The following ABCA13 variants were observed in gnomAD, a reference collection of about 807,000 sequenced individuals.
ABCA13 encodes the protein ATP-binding cassette sub-family A member 13.
A neutral mutation model predicts 478.7 loss-of-function variants in ABCA13; 476 were observed. The observed-to-expected ratio is 0.99, with a 90% CI of 0.92 to 1.07. The LOEUF is 1.07. Among genes scored for constraint, ABCA13 ranks in the 50% least tolerant of loss-of-function variants. The pLI, the probability that ABCA13 is intolerant of heterozygous loss-of-function variation, is 0.00. For missense variants in ABCA13, 6,060 were observed against 5,910.6 expected (o/e 1.03, Z -0.83); for synonymous variants, 2,252 against 2,158.9 (o/e 1.04, Z -1.20).
At chr7:48,501,218 A>G (rs1477455793) in intron 48 of ABCA13, among the ~76,000 whole-genome samples, 1 of 152,124 alleles carries the variant, frequency 6.6e-6, no homozygotes, top group Non-Finnish European at 1.5e-5. Flanking sequence ...GGTTTTCTCT[A>G]CTTACTTGAT....
chr7:48,468,353 T>C (rs1379311570), intron 44 of ABCA13, among the ~76,000 whole-genome samples: 1 of 152,214 alleles, frequency 6.6e-6, no homozygotes, highest in Non-Finnish European at 1.5e-5. Flanking sequence ...ATAGCTTTTC[T>C]CCTCTGTCCG....
At position 48,358,553 on chromosome 7, in the gene ABCA13, T is replaced by C. The variant is rs1003502488; in HGVS notation, c.10688+6066T>C. ...AAATTATTTCAAGGGCCTTCATCAT[T>C]CACTCATATAGTTATTCCTCTATTC... On this transcript the variant is annotated intron_variant, in intron 31 of 61. Coordinates refer to ENST00000435803, the MANE Select transcript of ABCA13 (RefSeq NM_152701.5). Among the ~76,000 whole-genome samples, 4 of 152,020 alleles carry C rather than the reference T, an allele frequency of 2.6e-5. 1 individual carries two copies. Among genetic ancestry groups the C allele is most frequent in the African/African-American group, 9.7e-5 (4 of 41,264 alleles).
chr7:48,270,475 T>C (rs990266174), intron 16 of ABCA13, among the ~76,000 whole-genome samples: 1 of 152,170 alleles, frequency 6.6e-6, no homozygotes, highest in African/African-American at 2.4e-5. Flanking sequence ...AAATAAGTTT[T>C]ATATTCTCCT....
chr7:48,520,192 A>G lies in ABCA13; in HGVS notation c.13949A>G (p.Glu4650Gly), dbSNP rs557105317. The G allele has an allele frequency of 1.6e-5, 26 of 1,613,662 alleles. No homozygotes were observed. In the East Asian group the frequency reaches 5.1e-4, roughly 32 times the overall value. The stretch of plus-strand genomic sequence containing the variant: ...ATTGATTCCTATGTGAGTCCCTTTG[A>G]GATGAACTTTCTGGGCTGGATCTTC... ...FGIDSYVSPF[E>G]MNFLGWIFVQ... The change falls in exon 53 of 62, where the codon GAG becomes GGG. Residue 4650 changes from glutamate (E) to glycine (G), a missense_variant. Glu to Gly is a moderately conservative substitution (Grantham distance 98, BLOSUM62 -2). Around this residue, in one of 3 missense-constraint regions of ABCA13, gnomAD observed 1,627 missense variants for 1,571.0 expected, o/e 1.04. Coordinates refer to ENST00000435803, the MANE Select transcript of ABCA13 (RefSeq NM_152701.5).
chr7:48,420,731 CTTTTTT>C (rs35346221), intron 41 of ABCA13, among the ~76,000 whole-genome samples: 41 of 137,588 alleles, frequency 3.0e-4, no homozygotes, highest in African/African-American at 1.1e-3. Flanking sequence ...AGGGCTTGAT[CTTTTTT>C]TTTTTTTTTG....
intron 48 of ABCA13, among the ~76,000 whole-genome samples, chr7:48,501,252 G>C (rs919646416): frequency 2.6e-5 from 4 of 152,038 alleles, no homozygotes; most frequent in African/African-American, 9.7e-5. Flanking sequence ...TAAACACTGT[G>C]GTCTAAGCCC....
At chr7:48,415,689 A>G (rs896780053) in intron 41 of ABCA13, among the ~76,000 whole-genome samples, 2 of 152,178 alleles carry the variant, frequency 1.3e-5, no homozygotes, top group Non-Finnish European at 2.9e-5. Flanking sequence ...GAAGAGTGAA[A>G]TTTTGTGGAA....
chr7:48,438,787 C>CT (rs1823188771), intron 42 of ABCA13, among the ~76,000 whole-genome samples: 1 of 151,560 alleles, frequency 6.6e-6, no homozygotes, highest in South Asian at 2.1e-4. Context: ...ACCTTCAATT[C>CT]TTTTTTGGAA....
chr7:48,388,065 C>A, intron 36 of ABCA13, 106 bp downstream of exon 36: 1 of 1,198,646 alleles, frequency 8.3e-7, no homozygotes, highest in Non-Finnish European at 1.1e-6. Context: ...TGTGCTGATT[C>A]CTAGAGAGAC....
At chr7:48,254,275 CT>C (rs1016785370) in intron 15 of ABCA13, among the ~76,000 whole-genome samples, 3 of 150,948 alleles carry the variant, frequency 2.0e-5, no homozygotes, top group African/African-American at 7.3e-5. Flanking sequence ...AACTTTTTTT[CT>C]TTTAAGAGGT....
intron 3 of ABCA13, among the ~76,000 whole-genome samples, chr7:48,208,534 GT>G (rs1785218270): frequency 6.6e-6 from 1 of 151,764 alleles, no homozygotes; most frequent in Admixed American, 6.6e-5. Context: ...TTTTGGTTAG[GT>G]TTATTCCTAG....
chr7:48,555,796 T>G (rs1482746126), intron 55 of ABCA13, among the ~76,000 whole-genome samples: 1 of 151,780 alleles, frequency 6.6e-6, no homozygotes, highest in African/African-American at 2.4e-5. Flanking sequence ...TATTATTTTC[T>G]TTATTTCACA....
At position 48,234,075 on chromosome 7, in the gene ABCA13, A is replaced by G. The variant is rs753741777; in HGVS notation, c.821A>G (p.Tyr274Cys). Residue 274 changes from tyrosine to cysteine, a missense_variant, in exon 8 of 62, where the codon TAT becomes TGT. Around this residue, in one of 3 missense-constraint regions of ABCA13, gnomAD observed 4,423 missense variants for 4,309.1 expected, o/e 1.03. Coordinates refer to ENST00000435803, the MANE Select transcript of ABCA13 (RefSeq NM_152701.5). ...NIVWDPQKVQYDLKSQFGFDD... is the reference protein window; with the variant it reads ...NIVWDPQKVQCDLKSQFGFDD... ...GTGTGGGATCCACAGAAAGTCCAGT[A>G]TGATCTCAAATCCCAGTTTGGCTTT... 13 of 1,614,064 alleles carry G rather than the reference A, an allele frequency of 8.1e-6. No homozygotes were observed. Among genetic ancestry groups the G allele is most frequent in the Non-Finnish European group, 5.9e-6 (7 of 1,179,906 alleles).
intron 58 of ABCA13, among the ~76,000 whole-genome samples, chr7:48,600,207 C>T (rs1265761251): frequency 6.6e-6 from 1 of 152,086 alleles, no homozygotes; most frequent in Admixed American, 6.5e-5. Flanking sequence ...TATCTTAAAT[C>T]CTATTTTGTT....
intron 38 of ABCA13, among the ~76,000 whole-genome samples, chr7:48,395,786 C>T (rs896761257): frequency 3.9e-5 from 6 of 152,210 alleles, no homozygotes; most frequent in African/African-American, 1.2e-4. Flanking sequence ...ATGCATATAA[C>T]ATACAAAAGA....
intron 59 of ABCA13, among the ~76,000 whole-genome samples, chr7:48,642,677 G>A (rs775996416): frequency 1.8e-4 from 27 of 152,142 alleles, no homozygotes; most frequent in Non-Finnish European, 2.9e-4. Flanking sequence ...CTTAGGGTAT[G>A]AGTATGAGCT....
At chr7:48,315,605 G>A (rs367868735) in intron 26 of ABCA13, among the ~76,000 whole-genome samples, 1 of 151,276 alleles carries the variant, frequency 6.6e-6, no homozygotes, top group South Asian at 2.1e-4. Context: ...TCAGCCTCCC[G>A]AGTAGCTGGG....
intron 1 of ABCA13, among the ~76,000 whole-genome samples, chr7:48,173,836 T>A (rs1244644775): frequency 6.6e-6 from 1 of 152,214 alleles, no homozygotes; most frequent in Non-Finnish European, 1.5e-5. Flanking sequence ...GTAATGTGCT[T>A]GCAACAGTAC....
intron 55 of ABCA13, among the ~76,000 whole-genome samples, chr7:48,530,990 T>C (rs879802335): frequency 9.2e-5 from 14 of 152,322 alleles, no homozygotes; most frequent in Non-Finnish European, 2.1e-4. Context: ...CTTTTTAGCT[T>C]AATTAAGTCC....
Sources: allele counts gnomAD v4.1 joint callset (sites outside exome capture counted in the v4.1 genomes callset), GRCh38; gene constraint gnomAD v4.1.1; regional missense constraint gnomAD v4.1.1; transcripts MANE v1.5; gene names NCBI Gene and HGNC (gene_info 2026-07-23, HGNC 2026-07-21).